Variants in MUC5B observed in about 807,000 individuals in gnomAD.
MUC5B encodes the protein mucin 5B, oligomeric mucus/gel-forming.
A neutral mutation model predicts 376.9 loss-of-function variants in MUC5B; 116 were observed. The ratio of observed to expected loss-of-function variants is 0.31; its 90% CI spans 0.26 to 0.36. MUC5B has a LOEUF of 0.36. Among genes scored for constraint, MUC5B ranks in the 10% least tolerant of loss-of-function variants. MUC5B has a pLI of 1.00. For synonymous variants in MUC5B, 3,517 were observed against 3,390.9 expected (o/e 1.04, Z -1.29); for missense variants, 7,165 against 7,769.9 (o/e 0.92, Z 2.93).
intron 23 of MUC5B, among the ~76,000 whole-genome samples, chr11:1,235,667 CT>C (rs1260020418): frequency 6.6e-6 from 1 of 152,200 alleles, no homozygotes; most frequent in Non-Finnish European, 1.5e-5. Flanking sequence ...CTTCCTGCCT[CT>C]CCCAGCTTCA....
rs766946627 is a variant in MUC5B at position 1,242,811 on chromosome 11, T to C, written c.5931T>C (p.Ala1977=). The part of the protein sequence containing the change: ...ALRSTATTPT[A]TSVTPIPSSS... ...GAAGCACAGCCACCACACCCACAGCTACCAGCGTTACACCCATCCCCTCTT... is the reference window on the plus strand; with the variant it reads ...GAAGCACAGCCACCACACCCACAGCCACCAGCGTTACACCCATCCCCTCTT... The change falls in exon 31 of 49, where the codon GCT becomes GCC. Residue 1977 remains alanine, a synonymous_variant. Transcript: ENST00000529681. 8 of 1,604,866 alleles carry C rather than the reference T, an allele frequency of 5.0e-6. No homozygotes were observed. The Admixed American group carries it at 1.2e-4, about 24-fold the overall frequency.
rs762528833 is a variant in MUC5B, at chr11:1,238,909, C to A, written c.3336C>A (p.Asp1112Glu). 1 of 1,568,268 alleles carries A rather than the reference C, an allele frequency of 6.4e-7. No homozygotes were observed. The highest frequency in any genetic ancestry group is 1.4e-5 in the African/African-American group (1 of 73,882). ...AGTACTACGAGGCCTGCGTGAACGA[C>A]GCGTGTGCCTGCGACTCGGGTGGCG... Reference protein sequence around the residue: ...STKYYEACVNDACACDSGGDC... With the variant: ...STKYYEACVNEACACDSGGDC... The change falls in exon 26 of 49, where the codon GAC (aspartate) becomes GAA (glutamate). Residue 1112 changes from aspartate (D) to glutamate (E), a missense_variant. By Grantham distance (45) the Asp-to-Glu change is conservative (BLOSUM62 2). Transcript: ENST00000529681.
chr11:1,251,776 T>C, intron 31 of MUC5B, 33 bp downstream of exon 31: 2 of 1,446,216 alleles, frequency 1.4e-6, no homozygotes, highest in Non-Finnish European at 1.9e-6. Context: ...GCTGTACCCT[T>C]TCCCCACATG....
Position 1,250,987 on chromosome 11 carries a change from A to C in MUC5B, c.14107A>C (p.Thr4703Pro). Residue 4703 changes from threonine to proline, a missense_variant, in exon 31 of 49, where the codon ACA (threonine) becomes CCA (proline). Physicochemically the swap from Thr to Pro is conservative, Grantham distance 38 (BLOSUM62 -1). Transcript: ENST00000529681. ...TTNPSSTPGTTPITPVLTSTA... is the reference protein window; with the variant it reads ...TTNPSSTPGTPPITPVLTSTA... ...CAACCCCTCCTCAACTCCAGGGACA[A>C]CACCCATCACCCCAGTGCTGACCAG... The C allele has an allele frequency of 6.2e-7, 1 of 1,610,452 alleles. No individual in the cohort carries two copies. Among genetic ancestry groups the C allele is most frequent in the South Asian group, 1.1e-5 (1 of 90,926 alleles).
chr11:1,256,501 C>G, intron 38 of MUC5B, 170 bp from the exon 39 acceptor site: 1 of 452,122 alleles, frequency 2.2e-6, no homozygotes, highest in Non-Finnish European at 4.0e-6. Context: ...CCCGCCCACC[C>G]CCACCCCAGC....
At position 1,254,937 on chromosome 11, in the gene MUC5B, G is replaced by T. The variant is rs574261545; in HGVS notation, c.15664+57G>T. On this transcript the variant is annotated intron_variant, in intron 35 of 48. Coordinates refer to ENST00000529681, the MANE Select transcript of MUC5B (RefSeq NM_002458.3). ...GGCTGCTGCTGGGCCTGACAACCCA[G>T]TGAGCATAGGGGAAGCCTGGGGAGG... 1.4e-4 allele frequency: 213 copies of T among 1,505,606 alleles called. 4 individuals carry two copies. The South Asian group carries it at 2.5e-3, about 18-fold the overall frequency. 93.3% of individuals were successfully genotyped at this position (1,505,606 alleles called of 1,614,324 possible). A position where few individuals can be genotyped will look rare whatever the true frequency, so the allele number is the denominator to read the frequency against.
rs1159304242 is a variant in MUC5B at position 1,232,788 on chromosome 11, G to A, written c.2065+18G>A. ...CGTCTGCAGTGAGTGCCCACGCTGG[G>A]GGTGGGATGTGTCCACACCGCGTGG... is the stretch of plus-strand genomic sequence containing the variant. On this transcript the variant is annotated intron_variant, in intron 17 of 48. Transcript: ENST00000529681. 6.3e-7 allele frequency: 1 copy of A among 1,580,880 alleles called. No individual in the cohort carries two copies. The highest frequency in any genetic ancestry group is 8.6e-7 in the Non-Finnish European group (1 of 1,161,800).
chr11:1,232,934 C>A (rs55746645), intron 17 of MUC5B, 79 bp from the exon 18 acceptor site: 12 of 1,474,986 alleles, frequency 8.1e-6, no homozygotes, highest in Non-Finnish European at 1.1e-5. Flanking sequence ...ACGTCACAGA[C>A]GGGGATGCTG....
In MUC5B at chr11:1,244,607, C is replaced by T. The variant is rs1862397010; in HGVS notation, c.7727C>T (p.Thr2576Ile). ...TCCTCCACTCCAGAGACTGTCCACA[C>T]CTCCACAGTGCTTACCACCACGGCC... ...TPSSTPETVH[T>I]STVLTTTATT... The change falls in exon 31 of 49, where the codon ACC becomes ATC. Residue 2576 changes from threonine to isoleucine, a missense_variant. Thr to Ile is a moderately conservative substitution (Grantham distance 89). Transcript: ENST00000529681. 1.2e-6 allele frequency: 2 copies of T among 1,613,534 alleles called. No homozygotes were observed. The highest frequency in any genetic ancestry group is 2.7e-5 in the African/African-American group (2 of 74,782).
intron 27 of MUC5B, 109 bp downstream of exon 27, chr11:1,239,675 A>G (rs769363703): frequency 6.7e-6 from 10 of 1,497,202 alleles, no homozygotes; most frequent in Admixed American, 2.2e-5. Flanking sequence ...AAACTGCACA[A>G]TGCAAGCCTT....
At chr11:1,229,402 TCCCACCAGAG>T in intron 9 of MUC5B, 107 bp downstream of exon 9, 1 of 1,328,410 alleles carries the variant, frequency 7.5e-7, no homozygotes, top group Non-Finnish European at 1.0e-6. Flanking sequence ...TGCCAGAAGG[TCCCACCAGAG>T]GGCCCAGGGT....
rs55693520 is a variant in MUC5B at position 1,251,570 on chromosome 11, C to T, written c.14690C>T (p.Ser4897Leu). 52,411 of 1,612,840 alleles carry T rather than the reference C, an allele frequency of 0.032. 1,094 individuals are homozygous for T. The highest frequency in any genetic ancestry group is 0.078 in the Middle Eastern group (471 of 6,062). The change falls in exon 31 of 49, where the codon TCG (serine) becomes TTG (leucine). Residue 4897 changes from serine (S) to leucine (L), a missense_variant. Physicochemically the swap from Ser to Leu is moderately radical, Grantham distance 145. This residue lies in a region of MUC5B where 730 missense variants were observed against 592.7 expected (regional missense o/e 1.23). Coordinates refer to ENST00000529681, the MANE Select transcript of MUC5B (RefSeq NM_002458.3). ...GCCACTGCCTCCACGGTTCCCAGCTCGTCCACCGTGGGGACCACCCGCACC... is the reference window on the plus strand; with the variant it reads ...GCCACTGCCTCCACGGTTCCCAGCTTGTCCACCGTGGGGACCACCCGCACC... ...PTATASTVPS[S>L]STVGTTRTPA...
Position 1,242,099 on chromosome 11 carries a change from C to T in MUC5B, c.5219C>T (p.Pro1740Leu), listed in dbSNP as rs756385572. The T allele has an allele frequency of 4.5e-5, 73 of 1,612,548 alleles. No homozygotes were observed. The highest frequency in any genetic ancestry group is 3.2e-4 in the South Asian group (29 of 90,944). The change falls in exon 31 of 49, where the codon CCG becomes CTG. Residue 1740 changes from proline to leucine, a missense_variant. Physicochemically the swap from Pro to Leu is moderately conservative, Grantham distance 98. Around this residue, in one of 31 missense-constraint regions of MUC5B, gnomAD observed 897 missense variants for 779.6 expected, o/e 1.15. Coordinates refer to ENST00000529681, the MANE Select transcript of MUC5B (RefSeq NM_002458.3). Reference protein sequence around the residue: ...TGTASTASKEPLTTSLAPTLT... With the variant: ...TGTASTASKELLTTSLAPTLT... Reference sequence around the variant, plus strand: ...ACAGCCAGCACCGCTTCCAAAGAGCCGCTGACCACGAGCCTGGCGCCAACA... The same window carrying T: ...ACAGCCAGCACCGCTTCCAAAGAGCTGCTGACCACGAGCCTGGCGCCAACA...
intron 32 of MUC5B, 76 bp from the exon 33 acceptor site, chr11:1,252,733 C>A: frequency 6.6e-7 from 1 of 1,504,434 alleles, no homozygotes; most frequent in Admixed American, 2.0e-5. Flanking sequence ...GGGCTTTGGG[C>A]CATGAGGGGT....
chr11:1,232,038 C>T lies in MUC5B; in HGVS notation c.1721C>T (p.Thr574Met), dbSNP rs1159137460. 8.1e-6 allele frequency: 13 copies of T among 1,612,818 alleles called. No individual in the cohort carries two copies. The highest frequency in any genetic ancestry group is 6.7e-5 in the African/African-American group (5 of 75,066). Residue 574 changes from threonine to methionine, a missense_variant, in exon 15 of 49, where the codon ACG (threonine) becomes ATG (methionine). Physicochemically the swap from Thr to Met is moderately conservative, Grantham distance 81. Around this residue, in one of 31 missense-constraint regions of MUC5B, gnomAD observed 18 missense variants for 54.5 expected, o/e 0.33. Coordinates refer to ENST00000529681, the MANE Select transcript of MUC5B (RefSeq NM_002458.3). ...NFNQNQADDF[T>M]ALSGVVEATG... Reference sequence around the variant, plus strand: ...AACCAGAACCAGGCTGACGACTTCACGGCCCTCAGCGGGGTGGTGGAGGCC... The same window carrying T: ...AACCAGAACCAGGCTGACGACTTCATGGCCCTCAGCGGGGTGGTGGAGGCC...
Position 1,245,859 on chromosome 11 carries a change from C to G in MUC5B, c.8979C>G (p.Leu2993=), listed in dbSNP as rs774918765. The G allele has an allele frequency of 6.2e-7, 1 of 1,613,506 alleles. No homozygotes were observed. Among genetic ancestry groups the G allele is most frequent in the Admixed American group, 1.7e-5 (1 of 60,006 alleles). The part of the protein sequence containing the change: ...PSSTPGTTWI[L]TEQTTAATTT... The stretch of plus-strand genomic sequence containing the variant: ...CCACTCCAGGGACGACCTGGATCCT[C>G]ACAGAGCAGACCACAGCAGCCACTA... Residue 2993 remains leucine (L), a synonymous_variant, in exon 31 of 49, where the codon CTC becomes CTG. Transcript: ENST00000529681.
chr11:1,258,169 G>A lies in MUC5B; in HGVS notation c.16521G>A (p.Gln5507=). ...CPPGQESICT[Q]EEGDCCPTFR... ...CAGGGCAGGAGTCCATCTGCACCCA[G>A]GAGGAGGGCGACTGCTGTCCCACCT... Residue 5507 remains glutamine, a synonymous_variant, in exon 42 of 49, where the codon CAG becomes CAA. Transcript: ENST00000529681. The surrounding 1 kb of genome is among the most constrained non-coding windows in gnomAD (Gnocchi z 5.5). The A allele has an allele frequency of 6.2e-7, 1 of 1,601,194 alleles. No individual in the cohort carries two copies. The highest frequency in any genetic ancestry group is 8.5e-7 in the Non-Finnish European group (1 of 1,175,624).
Position 1,238,867 on chromosome 11 carries a change from G to T in MUC5B, c.3298-4G>T, listed in dbSNP as rs772276051. 7.1e-6 allele frequency: 11 copies of T among 1,551,856 alleles called. No individual in the cohort carries two copies. The highest frequency in any genetic ancestry group is 5.9e-5 in the South Asian group (5 of 84,286). ...GCTGAGCTGCACCTTGGCCTCACCCGCAGGTTGACTCCACCAAGTACTACG... is the reference window on the plus strand; with the variant it reads ...GCTGAGCTGCACCTTGGCCTCACCCTCAGGTTGACTCCACCAAGTACTACG... On this transcript the variant is annotated splice_region_variant and splice_polypyrimidine_tract_variant and intron_variant, in intron 25 of 48. Coordinates refer to ENST00000529681, the MANE Select transcript of MUC5B (RefSeq NM_002458.3).
Position 1,260,250 on chromosome 11 carries a change from G to A in MUC5B, c.16924-101G>A, listed in dbSNP as rs562419337. 149 of 1,074,860 alleles carry A rather than the reference G, an allele frequency of 1.4e-4. No individual in the cohort carries two copies. In the Middle Eastern group the frequency reaches 1.4e-3, roughly 10 times the overall value. 66.6% of individuals were successfully genotyped at this position (1,074,860 alleles called of 1,614,324 possible). A position where few individuals can be genotyped will look rare whatever the true frequency, so the allele number is the denominator to read the frequency against. On this transcript the variant is annotated intron_variant, in intron 46 of 48. Transcript: ENST00000529681. ...TGCCTGGGAGGCCCCGCCCCTGCCC[G>A]GGAGGCCATGCCCCTGCCCGGGTGG...
Sources: gnomAD v4.1 joint callset for allele counts (sites outside exome capture counted in the v4.1 genomes callset) on GRCh38, gnomAD v4.1.1 for gene constraint, gnomAD v4.1.1 regional missense constraint, Gnocchi (gnomAD v3.1) non-coding constraint, MANE v1.5 for transcripts, NCBI Gene and HGNC (gene_info 2026-07-23, HGNC 2026-07-21) for gene names.